The following RARB variants were observed in gnomAD, a reference collection of about 807,000 sequenced individuals.
RARB encodes the protein HBV-activated protein.
Under a neutral mutation model 51.9 loss-of-function variants are expected in RARB, and 17 were observed. That is an observed-to-expected ratio of 0.33 (90% CI 0.22 to 0.49). The LOEUF (loss-of-function observed/expected upper bound fraction) is 0.49, where lower values mean the gene tolerates loss of function less well. Among genes scored for constraint, RARB ranks in the 20% least tolerant of loss-of-function variants. The pLI is 0.99. For synonymous variants in RARB, 215 were observed against 195.4 expected (o/e 1.10, Z -0.84); for missense variants, 369 against 550.8 (o/e 0.67, Z 3.30).
At chr3:25,416,144 C>T (rs943167187) in intron 5 of RARB, among the ~76,000 whole-genome samples, 1 of 152,200 alleles carries the variant, frequency 6.6e-6, no homozygotes, top group Non-Finnish European at 1.5e-5. Flanking sequence ...ATAATCCCAG[C>T]ACTCTGGGAG....
intron 5 of RARB, among the ~76,000 whole-genome samples, chr3:25,199,466 A>T (rs1276825750): frequency 6.6e-6 from 1 of 152,152 alleles, no homozygotes; most frequent in African/African-American, 2.4e-5. Context: ...TTTTTTTATT[A>T]TTATACTTTA....
chr3:24,952,215 AAAAC>A lies in RARB; in HGVS notation c.-380+93479_-380+93482del, dbSNP rs754683989. Among the ~76,000 whole-genome samples, 387 of 151,152 alleles carry A rather than the reference AAAAC, an allele frequency of 2.6e-3. 2 individuals are homozygous for A. Among genetic ancestry groups the A allele is most frequent in the African/African-American group, 6.9e-3 (282 of 40,954 alleles). On this transcript the variant is annotated intron_variant, in intron 2 of 11. Coordinates refer to the RARB transcript ENST00000383772. ...ATAGTGAGACCCTGTCTATTTAAAC[AAAAC>A]AAACAAACAAACAAAAAGTAACATT...
At chr3:25,544,715 C>T (rs1488688959) in intron 3 of RARB, among the ~76,000 whole-genome samples, 4 of 152,170 alleles carry the variant, frequency 2.6e-5, no homozygotes, top group African/African-American at 9.7e-5. Flanking sequence ...CTACACATTA[C>T]AGGCAATATC....
intron 5 of RARB, among the ~76,000 whole-genome samples, chr3:25,398,536 T>G (rs1447478956): frequency 6.6e-6 from 1 of 152,168 alleles, no homozygotes; most frequent in Non-Finnish European, 1.5e-5. Context: ...CACAACACAG[T>G]TGCCATATTT....
chr3:25,116,651 G>A (rs1289369781), intron 3 of RARB, among the ~76,000 whole-genome samples: 1 of 151,904 alleles, frequency 6.6e-6, no homozygotes, highest in Non-Finnish European at 1.5e-5. Context: ...CTATGCAAGA[G>A]GATGTGAAGC....
chr3:25,572,319 C>G (rs535415117), intron 4 of RARB, among the ~76,000 whole-genome samples: 2 of 152,220 alleles, frequency 1.3e-5, no homozygotes, highest in Non-Finnish European at 2.9e-5. Flanking sequence ...ATTATTACAT[C>G]TCATATTTAT....
intron 4 of RARB, among the ~76,000 whole-genome samples, chr3:25,575,244 G>C (rs1203376272): frequency 6.6e-6 from 1 of 152,136 alleles, no homozygotes; most frequent in East Asian, 1.9e-4. Flanking sequence ...TGGCGATAAC[G>C]CTCGCTCCTG....
chr3:24,999,047 G>A (rs2125273939), intron 2 of RARB, among the ~76,000 whole-genome samples: 1 of 152,206 alleles, frequency 6.6e-6, no homozygotes, highest in Admixed American at 6.5e-5. Flanking sequence ...GCTGGAATGG[G>A]GTTTTGGTCA....
chr3:25,400,107 G>A (rs1707224742), intron 5 of RARB, among the ~76,000 whole-genome samples: 1 of 152,092 alleles, frequency 6.6e-6, no homozygotes, highest in African/African-American at 2.4e-5. Context: ...CTATCATCTG[G>A]AAGAAGAGGC....
intron 3 of RARB, among the ~76,000 whole-genome samples, chr3:25,093,303 G>A (rs925258433): frequency 6.6e-6 from 1 of 152,134 alleles, no homozygotes; most frequent in African/African-American, 2.4e-5. Flanking sequence ...GTGAAAATTA[G>A]GAAGTAGTAT....
At chr3:24,873,768 G>C (rs1374727070) in intron 2 of RARB, among the ~76,000 whole-genome samples, 1 of 151,356 alleles carries the variant, frequency 6.6e-6, no homozygotes, top group African/African-American at 2.4e-5. Context: ...ATTATTATTT[G>C]ATTATCTTTG....
chr3:25,099,376 G>T (rs551125720), intron 3 of RARB, among the ~76,000 whole-genome samples: 1 of 152,124 alleles, frequency 6.6e-6, no homozygotes, highest in South Asian at 2.1e-4. Flanking sequence ...GTCAAGATAA[G>T]CTTTCAAAGG....
intron 2 of RARB, among the ~76,000 whole-genome samples, chr3:25,485,973 T>G (rs540022682): frequency 1.4e-4 from 21 of 152,314 alleles, no homozygotes; most frequent in Non-Finnish European, 2.6e-4. Context: ...ACATTGGGCT[T>G]TCACTGAAGT....
chr3:25,163,356 T>A (rs1472814228), intron 4 of RARB, among the ~76,000 whole-genome samples: 3 of 151,458 alleles, frequency 2.0e-5, no homozygotes, highest in African/African-American at 7.3e-5. Flanking sequence ...AAATAAAAAA[T>A]TAGTTGGGCA....
chr3:25,185,828 G>T (rs1700961608), intron 5 of RARB, among the ~76,000 whole-genome samples: 1 of 152,062 alleles, frequency 6.6e-6, no homozygotes, highest in South Asian at 2.1e-4. Context: ...ACAAATCAAA[G>T]AATTCGTATG....
intron 3 of RARB, among the ~76,000 whole-genome samples, chr3:25,524,882 A>G (rs1242215308): frequency 2.6e-5 from 4 of 151,978 alleles, no homozygotes; most frequent in Non-Finnish European, 5.9e-5. Flanking sequence ...GGTGCTCACC[A>G]TCACACCCAG....
chr3:25,160,756 G>A (rs992991036), intron 4 of RARB, among the ~76,000 whole-genome samples: 1 of 152,120 alleles, frequency 6.6e-6, no homozygotes, highest in Non-Finnish European at 1.5e-5. Context: ...TAAAGTCAAG[G>A]TGCCGCCATG....
chr3:25,205,797 C>G (rs1219607207), intron 5 of RARB, among the ~76,000 whole-genome samples: 1 of 151,546 alleles, frequency 6.6e-6, no homozygotes, highest in East Asian at 1.9e-4. Flanking sequence ...AGCTGGAGTG[C>G]AGTGGTGCAA....
At chr3:25,036,953 C>T (rs981721811) in intron 2 of RARB, among the ~76,000 whole-genome samples, 1 of 152,146 alleles carries the variant, frequency 6.6e-6, no homozygotes, top group Non-Finnish European at 1.5e-5. Context: ...CAGGTGTGCT[C>T]AGTGAGGATA....
Sources: allele counts gnomAD v4.1 joint callset (sites outside exome capture counted in the v4.1 genomes callset), GRCh38; gene constraint gnomAD v4.1.1; transcripts MANE v1.5; gene names NCBI Gene and HGNC (gene_info 2026-07-23, HGNC 2026-07-21).